The following USP22 variants were observed in gnomAD, a reference collection of about 807,000 sequenced individuals.
The protein encoded by USP22 is ubiquitin specific peptidase 22.
A neutral mutation model predicts 68.1 loss-of-function variants in USP22; 22 were observed. That is an observed-to-expected ratio of 0.32 (90% CI 0.23 to 0.46). The LOEUF (loss-of-function observed/expected upper bound fraction) is 0.46, where lower values mean the gene tolerates loss of function less well. USP22 is among the 20% of genes least tolerant of loss of function. USP22 has a pLI of 1.00. For synonymous variants in USP22, 279 were observed against 274.2 expected (o/e 1.02, Z -0.17); for missense variants, 433 against 695.8 (o/e 0.62, Z 4.25).
chr17:21,030,481 TTCAG>T (rs1972276351), intron 1 of USP22, among the ~76,000 whole-genome samples: 1 of 152,164 alleles, frequency 6.6e-6, no homozygotes. Flanking sequence ...CAGAGACTAC[TTCAG>T]TCAATTAAAC....
chr17:21,015,944 A>T, intron 5 of USP22, 45 bp from the exon 6 acceptor site: 2 of 1,600,060 alleles, frequency 1.2e-6, no homozygotes, highest in Non-Finnish European at 1.7e-6. Context: ...ATAAATGTAG[A>T]CTCTGAACAC....
intron 3 of USP22, among the ~76,000 whole-genome samples, chr17:21,020,108 A>T (rs1225085014): frequency 6.6e-6 from 1 of 152,192 alleles, no homozygotes; most frequent in Non-Finnish European, 1.5e-5. Flanking sequence ...TGTCAGGTTC[A>T]TATGTTTCCT....
At chr17:21,039,742 T>C (rs909184320) in intron 1 of USP22, among the ~76,000 whole-genome samples, 1 of 152,234 alleles carries the variant, frequency 6.6e-6, no homozygotes, top group Non-Finnish European at 1.5e-5. Flanking sequence ...AGGGATTCAT[T>C]TCTTTAAACT....
Position 21,002,003 on chromosome 17 carries a change from G to A in USP22, c.*1028C>T, listed in dbSNP as rs1232516745. 1 of 152,258 alleles carries A rather than the reference G, an allele frequency of 6.6e-6. No individual in the cohort carries two copies. The highest frequency in any genetic ancestry group is 2.4e-5 in the African/African-American group (1 of 41,464). The allele number at this position is 152,258 out of a possible 1,614,324, so 9.4% of individuals were successfully genotyped here. On this transcript the variant is annotated 3_prime_UTR_variant, in exon 13 of 13. Coordinates refer to ENST00000261497, the MANE Select transcript of USP22 (RefSeq NM_015276.2). ...CTCCACCAGAGGCCACTCCAGCTTC[G>A]CGACCAACACCCTTGGCTGCCAGGC...
At chr17:21,025,715 G>T (rs920581310) in intron 2 of USP22, among the ~76,000 whole-genome samples, 1 of 152,148 alleles carries the variant, frequency 6.6e-6, no homozygotes, top group South Asian at 2.1e-4. Flanking sequence ...AATCACAAAT[G>T]CATGCTTGCG....
intron 1 of USP22, among the ~76,000 whole-genome samples, chr17:21,032,837 G>A (rs959196730): frequency 6.8e-6 from 1 of 146,392 alleles, no homozygotes; most frequent in South Asian, 2.1e-4. Flanking sequence ...TACTCAGGAT[G>A]GTTTGAGCCC....
At chr17:21,042,532 G>A (rs1972452275) in intron 1 of USP22, 133 bp downstream of exon 1, 3 of 857,622 alleles carry the variant, frequency 3.5e-6, no homozygotes, top group East Asian at 3.3e-5. Flanking sequence ...GAGGGCAGAA[G>A]GAGAGAGGAA....
intron 1 of USP22, 141 bp from the exon 2 acceptor site, chr17:21,028,815 G>T: frequency 9.0e-7 from 1 of 1,110,874 alleles, no homozygotes. Flanking sequence ...TACTACTCTA[G>T]AGGATCAGTT....
chr17:20,999,597 C>T lies in USP22; in HGVS notation c.*3434G>A, dbSNP rs1052665990. 1 of 152,182 alleles carries T rather than the reference C, an allele frequency of 6.6e-6. No homozygotes were observed. Among genetic ancestry groups the T allele is most frequent in the African/African-American group, 2.4e-5 (1 of 41,476 alleles). The allele number at this position is 152,182 out of a possible 1,614,324, so 9.4% of individuals were successfully genotyped here. ...AATAAAAGGAAAACTGGCCAGTTCT[C>T]AGAGAAAATGTAGCTTTATTATGAC... is the stretch of plus-strand genomic sequence containing the variant. On this transcript the variant is annotated 3_prime_UTR_variant, in exon 13 of 13. Transcript: ENST00000261497.
chr17:21,004,171 T>G (rs762379549), intron 12 of USP22, 31 bp downstream of exon 12: 1 of 1,609,852 alleles, frequency 6.2e-7, no homozygotes, highest in East Asian at 2.2e-5. Flanking sequence ...GTAGCCACCG[T>G]AGGGCCTTCC....
In USP22 at chr17:21,007,885, G is replaced by C; in HGVS notation, c.1215C>G (p.Ala405=). 6.2e-7 allele frequency: 1 copy of C among 1,614,138 alleles called. No individual in the cohort carries two copies. Among genetic ancestry groups the C allele is most frequent in the Non-Finnish European group, 8.5e-7 (1 of 1,180,032 alleles). ...QLTMKKLPIV[A]CFHLKRFEHS... ...GAAAACTTACTTTGAGATGAAAACA[G>C]GCTACGATGGGCAGTTTCTTCATAG... The change falls in exon 9 of 13, where the codon GCC becomes GCG. Residue 405 remains alanine, a synonymous_variant. Transcript: ENST00000261497.
intron 4 of USP22, chr17:21,018,360 T>C: frequency 2.7e-6 from 1 of 375,184 alleles, no homozygotes; most frequent in Non-Finnish European, 4.8e-6. Flanking sequence ...TACACAAATA[T>C]AGTTTCTACG....
In USP22 at chr17:21,023,644, CAAAAA is replaced by C. The variant is rs57776078; in HGVS notation, c.305-2423_305-2419del. Among the ~76,000 whole-genome samples, 5 of 106,986 alleles carry C rather than the reference CAAAAA, an allele frequency of 4.7e-5. No individual in the cohort carries two copies. In the Admixed American group the frequency reaches 5.0e-4, roughly 11 times the overall value. The allele number at this position is 106,986 out of a possible 152,430, so 70.2% of individuals were successfully genotyped here. On this transcript the variant is annotated intron_variant, in intron 2 of 12. Coordinates refer to ENST00000261497, the MANE Select transcript of USP22 (RefSeq NM_015276.2). ...TGGGCGAGAGTGCCAGACTATGTCT[CAAAAA>C]AAAAAAAAAAAAAAAAATTGGGAGA... is the stretch of plus-strand genomic sequence containing the variant.
intron 3 of USP22, among the ~76,000 whole-genome samples, chr17:21,020,513 G>A (rs150126078): frequency 6.6e-6 from 1 of 152,272 alleles, no homozygotes; most frequent in Non-Finnish European, 1.5e-5. Context: ...GTTTCCATCT[G>A]GTGGGTCTAG....
intron 11 of USP22, among the ~76,000 whole-genome samples, chr17:21,004,642 C>A (rs1913718694): frequency 6.6e-6 from 1 of 152,240 alleles, no homozygotes; most frequent in Non-Finnish European, 1.5e-5. Context: ...CTTTCTACAA[C>A]CCCAAGGCAA....
intron 3 of USP22, among the ~76,000 whole-genome samples, 190 bp downstream of exon 3, chr17:21,020,923 A>C (rs7207724): frequency 3.3e-5 from 5 of 152,010 alleles, no homozygotes; most frequent in African/African-American, 1.2e-4. Context: ...ATGCCTCGAC[A>C]CTAGCCACCT....
chr17:21,024,103 G>C (rs7222852), intron 2 of USP22, among the ~76,000 whole-genome samples: 3 of 152,126 alleles, frequency 2.0e-5, no homozygotes, highest in Non-Finnish European at 2.9e-5. Flanking sequence ...TGCCAACAAC[G>C]ATGTTAAAAT....
chr17:21,008,678 C>T (rs1000366433), intron 8 of USP22, among the ~76,000 whole-genome samples: 1 of 152,070 alleles, frequency 6.6e-6, no homozygotes, highest in African/African-American at 2.4e-5. Context: ...CTGGCCAGGG[C>T]GTCGCACCAC....
At chr17:21,031,592 C>G (rs927440030) in intron 1 of USP22, among the ~76,000 whole-genome samples, 2 of 145,624 alleles carry the variant, frequency 1.4e-5, no homozygotes, top group African/African-American at 5.3e-5. Flanking sequence ...TATAGTCTCT[C>G]TCTACTACAC....
Sources: allele counts gnomAD v4.1 joint callset (sites outside exome capture counted in the v4.1 genomes callset), GRCh38; gene constraint gnomAD v4.1.1; transcripts MANE v1.5; gene names NCBI Gene and HGNC (gene_info 2026-07-23, HGNC 2026-07-21).